The following EXT1 variants were observed in gnomAD, a reference collection of about 807,000 sequenced individuals.
EXT1 encodes exostosin-1.
A neutral mutation model predicts 82.5 loss-of-function variants in EXT1; 20 were observed. The observed-to-expected ratio is 0.24, with a 90% confidence interval of 0.17 to 0.35. The LOEUF is 0.35. Among genes scored for constraint, EXT1 ranks in the 10% least tolerant of loss-of-function variants. The probability of loss-of-function intolerance (pLI) is 1.00; values close to 1 mark genes in which losing one functional copy is unlikely to be tolerated. For synonymous variants in EXT1, 348 were observed against 350.8 expected (o/e 0.99, Z 0.09); for missense variants, 757 against 936.5 (o/e 0.81, Z 2.50).
At chr8:117,945,143 T>C (rs565782609) in intron 1 of EXT1, among the ~76,000 whole-genome samples, 16 of 152,170 alleles carry the variant, frequency 1.1e-4, no homozygotes, top group East Asian at 3.9e-4. Flanking sequence ...GCCTGGGCAA[T>C]AGAGCGAGAC....
intron 1 of EXT1, among the ~76,000 whole-genome samples, chr8:117,891,101 C>T (rs889816560): frequency 2.1e-4 from 32 of 152,328 alleles, no homozygotes; most frequent in South Asian, 4.1e-4. Flanking sequence ...CAAGGGCCAA[C>T]TCAAGGAAAA....
chr8:117,873,124 A>G (rs1389122701), intron 1 of EXT1, among the ~76,000 whole-genome samples: 1 of 152,210 alleles, frequency 6.6e-6, no homozygotes, highest in African/African-American at 2.4e-5. Flanking sequence ...CATCTCAGCC[A>G]CATGAGAATA....
intron 1 of EXT1, among the ~76,000 whole-genome samples, chr8:117,959,719 G>A (rs151099158): frequency 1.6e-3 from 244 of 152,314 alleles, no homozygotes; most frequent in African/African-American, 5.7e-3. Context: ...TAATACAGCT[G>A]CTCAAACCAC....
intron 1 of EXT1, among the ~76,000 whole-genome samples, chr8:117,939,280 T>C (rs1762418555): frequency 6.6e-6 from 1 of 152,152 alleles, no homozygotes; most frequent in African/African-American, 2.4e-5. Context: ...TGTTTCCATT[T>C]GAAGATGAAA....
At chr8:118,053,161 G>A (rs965550466) in intron 1 of EXT1, among the ~76,000 whole-genome samples, 2 of 152,150 alleles carry the variant, frequency 1.3e-5, no homozygotes, top group African/African-American at 4.8e-5. Flanking sequence ...GAATGCTTGG[G>A]TTGGAGAATG....
chr8:117,889,568 A>G (rs1222097060), intron 1 of EXT1, among the ~76,000 whole-genome samples: 3 of 152,194 alleles, frequency 2.0e-5, no homozygotes, highest in Admixed American at 2.0e-4. Context: ...ATGACTATAG[A>G]AAGATATGTG....
intron 1 of EXT1, among the ~76,000 whole-genome samples, chr8:117,923,403 A>T (rs1223117499): frequency 6.6e-6 from 1 of 151,332 alleles, no homozygotes; most frequent in Non-Finnish European, 1.5e-5. Flanking sequence ...AAGGGCTTTG[A>T]ATTCTCAGCA....
At chr8:118,039,759 T>TA (rs1460592801) in intron 1 of EXT1, among the ~76,000 whole-genome samples, 9 of 152,128 alleles carry the variant, frequency 5.9e-5, no homozygotes, top group East Asian at 3.9e-4. Flanking sequence ...TGAAAGGGTT[T>TA]AAAAAATCCC....
intron 1 of EXT1, among the ~76,000 whole-genome samples, chr8:118,041,438 T>C (rs1816524281): frequency 6.6e-6 from 1 of 152,142 alleles, no homozygotes; most frequent in African/African-American, 2.4e-5. Context: ...ATGGATAAGG[T>C]GCCTGCCCCA....
intron 1 of EXT1, among the ~76,000 whole-genome samples, chr8:118,082,590 G>A (rs1236474119): frequency 6.6e-6 from 1 of 152,148 alleles, no homozygotes; most frequent in Non-Finnish European, 1.5e-5. Flanking sequence ...GGATATTTTA[G>A]CAGATGTCCA....
intron 1 of EXT1, among the ~76,000 whole-genome samples, chr8:117,858,729 G>A (rs1276270645): frequency 3.2e-5 from 1 of 30,888 alleles, no homozygotes; most frequent in Non-Finnish European, 9.0e-5. Flanking sequence ...AGGAAGGAAG[G>A]AAGGAAGGAA....
At chr8:118,075,011 A>G (rs1817181611) in intron 1 of EXT1, among the ~76,000 whole-genome samples, 1 of 152,166 alleles carries the variant, frequency 6.6e-6, no homozygotes, top group African/African-American at 2.4e-5. Flanking sequence ...CACTACAATA[A>G]AACACTAGTC....
intron 1 of EXT1, among the ~76,000 whole-genome samples, chr8:117,888,864 C>T (rs1354342536): frequency 6.6e-6 from 1 of 152,176 alleles, no homozygotes; most frequent in African/African-American, 2.4e-5. Flanking sequence ...GTAAGTAATG[C>T]TGCCTATCTT....
At chr8:117,991,534 A>G (rs945051240) in intron 1 of EXT1, among the ~76,000 whole-genome samples, 2 of 151,372 alleles carry the variant, frequency 1.3e-5, no homozygotes, top group African/African-American at 2.4e-5. Flanking sequence ...CTTGGCAACT[A>G]CCCTACTGGA....
rs866324444 is a variant in EXT1, at chr8:117,842,967, A to G, written c.963-5766T>C. ...GTACTCACACAATTCTAGCCTCCCC[A>G]TGATGTTGTCACAGTTTGTCTCAAG... On this transcript the variant is annotated intron_variant, in intron 1 of 10. Coordinates refer to ENST00000378204, the MANE Select transcript of EXT1 (RefSeq NM_000127.3). Among the ~76,000 whole-genome samples, 3 of 152,268 alleles carry G rather than the reference A, an allele frequency of 2.0e-5. No homozygotes were observed. In the South Asian group the frequency reaches 6.2e-4, roughly 32 times the overall value.
chr8:118,080,200 CT>C (rs1433363786), intron 1 of EXT1, among the ~76,000 whole-genome samples: 11 of 152,208 alleles, frequency 7.2e-5, no homozygotes, highest in African/African-American at 2.4e-4. Flanking sequence ...TTCAGATCAT[CT>C]GTGTTTTCTG....
rs187932000 is a variant in EXT1, at chr8:117,888,357, T to C, written c.963-51156A>G. ...AAACAATTACATTCATATAGATTCA[T>C]GGTCCTTGTGGATGGAGACAGCATG... On this transcript the variant is annotated intron_variant, in intron 1 of 10. Transcript: ENST00000378204. Among the ~76,000 whole-genome samples, 4 of 152,290 alleles carry C rather than the reference T, an allele frequency of 2.6e-5. No homozygotes were observed. The East Asian group carries it at 5.8e-4, about 22-fold the overall frequency.
At chr8:118,001,163 C>T (rs1335804480) in intron 1 of EXT1, among the ~76,000 whole-genome samples, 1 of 152,102 alleles carries the variant, frequency 6.6e-6, no homozygotes, top group Non-Finnish European at 1.5e-5. Context: ...TCTCAATTCT[C>T]TACTGTACAC....
At chr8:117,821,673 C>A (rs533701984) in intron 5 of EXT1, among the ~76,000 whole-genome samples, 9 of 152,164 alleles carry the variant, frequency 5.9e-5, no homozygotes, top group Non-Finnish European at 8.8e-5. Flanking sequence ...GAGGGTGTTA[C>A]GGAGAACAAC....
Sources: allele counts gnomAD v4.1 joint callset (sites outside exome capture counted in the v4.1 genomes callset), GRCh38; gene constraint gnomAD v4.1.1; transcripts MANE v1.5; gene names NCBI Gene and HGNC (gene_info 2026-07-23, HGNC 2026-07-21).